EVC2: variants seen among roughly 807,000 people sequenced by gnomAD.
EVC2 encodes limbin.
In EVC2, 148 loss-of-function variants were observed where a neutral mutation model predicts 149.3. The observed-to-expected ratio is 0.99, with a 90% CI of 0.87 to 1.14. The LOEUF is 1.14. Among genes scored for constraint, EVC2 ranks in the 50% most tolerant of loss-of-function variants. The probability of loss-of-function intolerance (pLI) is 0.00; values close to 1 mark genes in which losing one functional copy is unlikely to be tolerated. For synonymous variants in EVC2, 776 were observed against 649.9 expected, an observed-to-expected ratio of 1.19 and a Z score of -2.95; for missense variants, 1,854 against 1,627.3, an observed-to-expected ratio of 1.14 and a Z score of -2.40.
downstream of EVC2, among the ~76,000 whole-genome samples, chr4:5,558,113 G>A (rs1237942717): frequency 1.3e-5 from 2 of 152,084 alleles, no homozygotes; most frequent in African/African-American, 4.8e-5. Flanking sequence ...AGTCAACACA[G>A]TACTAAAGAA....
intron 14 of EVC2, among the ~76,000 whole-genome samples, chr4:5,619,880 G>C (rs1715554405): frequency 6.6e-6 from 1 of 152,202 alleles, no homozygotes; most frequent in Non-Finnish European, 1.5e-5. Flanking sequence ...AGATGTGTTT[G>C]AATGTTCTGG....
intron 1 of EVC2, among the ~76,000 whole-genome samples, chr4:5,700,677 G>A (rs1721767831): frequency 6.6e-6 from 1 of 152,124 alleles, no homozygotes; most frequent in Admixed American, 6.5e-5. Context: ...CCCCAGCCTG[G>A]GGAGGTACCT....
At chr4:5,651,065 T>C (rs1461640585) in intron 9 of EVC2, among the ~76,000 whole-genome samples, 1 of 151,900 alleles carries the variant, frequency 6.6e-6, no homozygotes, top group Non-Finnish European at 1.5e-5. Flanking sequence ...AATGGACAGA[T>C]GGACAGATGG....
intron 9 of EVC2, among the ~76,000 whole-genome samples, chr4:5,648,439 G>A (rs528026134): frequency 6.6e-6 from 1 of 152,284 alleles, no homozygotes; most frequent in South Asian, 2.1e-4. Context: ...TTGGGAAAAT[G>A]GCAGGTGCTG....
At chr4:5,535,264 G>C in the EVC2 span, among the ~76,000 whole-genome samples, 4 of 152,106 alleles carry the variant, frequency 2.6e-5, no homozygotes, top group African/African-American at 9.7e-5. This position sits in a 1 kb window ranked among gnomAD's most constrained non-coding sequence, Gnocchi z 4.7. Flanking sequence ...TGCCCTCTCT[G>C]AAAGTAACCT....
intron 13 of EVC2, among the ~76,000 whole-genome samples, chr4:5,623,754 C>A (rs549908991): frequency 2.9e-4 from 44 of 152,286 alleles, no homozygotes; most frequent in African/African-American, 1.1e-3. Context: ...GGTTCCAGTC[C>A]TGGCTCCTCT....
Position 5,640,339 on chromosome 4 carries a change from G to A in EVC2, c.1470+175C>T, listed in dbSNP as rs1298221748. Among the ~76,000 whole-genome samples the A allele has an allele frequency of 3.9e-5, 6 of 152,030 alleles. No homozygotes were observed. The highest frequency in any genetic ancestry group is 1.9e-4 in the East Asian group (1 of 5,152). ...GATGGACAGATGATGATGGATGGACGGTGGGAATGGTTGGATGAATGAATG... is the reference window on the plus strand; with the variant it reads ...GATGGACAGATGATGATGGATGGACAGTGGGAATGGTTGGATGAATGAATG... On this transcript the variant is annotated intron_variant, in intron 10 of 21. Coordinates refer to ENST00000344408, the MANE Select transcript of EVC2 (RefSeq NM_147127.5). The surrounding 1 kb of genome is among the most constrained non-coding windows in gnomAD (Gnocchi z 4.6).
intron 5 of EVC2, 116 bp from the exon 6 acceptor site, chr4:5,685,595 C>A: frequency 3.8e-6 from 3 of 796,474 alleles, no homozygotes; most frequent in Admixed American, 4.2e-5. Context: ...AGGGAGGCCA[C>A]CATGGCAGTG....
At chr4:5,545,291 T>C (rs1303134972) in intron 21 of EVC2, among the ~76,000 whole-genome samples, 1 of 152,186 alleles carries the variant, frequency 6.6e-6, no homozygotes, top group Admixed American at 6.5e-5. Flanking sequence ...AAATAGATAA[T>C]GATTCCACTT....
At chr4:5,570,078 C>T (rs1245790338) in intron 19 of EVC2, among the ~76,000 whole-genome samples, 1 of 152,140 alleles carries the variant, frequency 6.6e-6, no homozygotes, top group Non-Finnish European at 1.5e-5. Context: ...TCAGGTGTCC[C>T]TCCTCTGATC....
At position 5,563,017 on chromosome 4, in the gene EVC2, G is replaced by A. The variant is rs1220482473; in HGVS notation, c.3758C>T (p.Ala1253Val). 6.2e-7 allele frequency: 1 copy of A among 1,614,074 alleles called. No homozygotes were observed. Among genetic ancestry groups the A allele is most frequent in the Non-Finnish European group, 8.5e-7 (1 of 1,180,058 alleles). ...TTCTGCCCCTACAATGGGTACAGGGGCCAGTTCGCCAATGGGCTCCAGTGA... is the reference window on the plus strand; with the variant it reads ...TTCTGCCCCTACAATGGGTACAGGGACCAGTTCGCCAATGGGCTCCAGTGA... Reference protein sequence around the residue: ...HLSLEPIGELAPVPIVGAETI... With the variant: ...HLSLEPIGELVPVPIVGAETI... The change falls in exon 22 of 22, where the codon GCC (alanine) becomes GTC (valine). Residue 1253 changes from alanine (A) to valine (V), a missense_variant. Transcript: ENST00000344408.
intron 9 of EVC2, among the ~76,000 whole-genome samples, chr4:5,646,060 T>C (rs1427253330): frequency 6.6e-6 from 1 of 152,120 alleles, no homozygotes. Flanking sequence ...GCCTCCTGAG[T>C]ACCTGGGATT....
Position 5,708,341 on chromosome 4 carries a change from G to T in EVC2, c.173C>A (p.Pro58His). The change falls in exon 1 of 22, where the codon CCC becomes CAC. Residue 58 changes from proline (P) to histidine (H), a missense_variant. Transcript: ENST00000344408. ...CCGCCCCGGAGGGATCCTCAGGCCG[G>T]GCCCAGACCTAGGAGCCACCTGGGG... ...RDPQVAPRSG[P>H]GLRIPPGRSG... 1 of 1,483,212 alleles carries T rather than the reference G, an allele frequency of 6.7e-7. No homozygotes were observed. Among genetic ancestry groups the T allele is most frequent in the Non-Finnish European group, 8.9e-7 (1 of 1,122,734 alleles). 91.9% of individuals were successfully genotyped at this position (1,483,212 alleles called of 1,614,324 possible).
Position 5,568,645 on chromosome 4 carries a change from A to G in EVC2, c.3361-5T>C, listed in dbSNP as rs374025466. 42 of 1,605,854 alleles carry G rather than the reference A, an allele frequency of 2.6e-5. No individual in the cohort carries two copies. The highest frequency in any genetic ancestry group is 3.5e-5 in the Non-Finnish European group (41 of 1,179,660). On this transcript the variant is annotated splice_region_variant and splice_polypyrimidine_tract_variant and intron_variant, in intron 19 of 21. Transcript: ENST00000344408. ...GTACGATGCCAGTCTCAGCTCCTAC[A>G]GGAAACAACAGAGGGAGTTCAGACC...
rs1157679039 is a variant in EVC2 at position 5,689,145 on chromosome 4, C to T, written c.706+12G>A. On this transcript the variant is annotated intron_variant, in intron 5 of 21. Coordinates refer to ENST00000344408, the MANE Select transcript of EVC2 (RefSeq NM_147127.5). The stretch of plus-strand genomic sequence containing the variant: ...ATTTGTCATCCCTGACTTCAGAACG[C>T]TTTGCTGTTACCTTGCAGAAACTTC... The T allele has an allele frequency of 4.3e-6, 7 of 1,613,870 alleles. No individual in the cohort carries two copies. The African/African-American group carries it at 9.3e-5, about 22-fold the overall frequency.
chr4:5,577,052 C>T (rs967715173), intron 17 of EVC2, among the ~76,000 whole-genome samples: 2 of 152,214 alleles, frequency 1.3e-5, no homozygotes, highest in African/African-American at 4.8e-5. Context: ...ATCAGGGTGC[C>T]GAGCACTGCT....
chr4:5,663,928 T>C (rs1225500714), intron 8 of EVC2, among the ~76,000 whole-genome samples: 2 of 151,706 alleles, frequency 1.3e-5, no homozygotes, highest in African/African-American at 4.8e-5. Context: ...CTCAAAAAAA[T>C]AAAGAAAGAA....
chr4:5,701,903 C>A (rs11725145), intron 1 of EVC2, among the ~76,000 whole-genome samples: 12,871 of 152,138 alleles, frequency 0.085, 606 homozygotes, highest in Non-Finnish European at 0.11. Context: ...AAAACATCCA[C>A]AATCCAGCAA....
chr4:5,594,942 G>A (rs936533530), intron 16 of EVC2, among the ~76,000 whole-genome samples: 22 of 152,192 alleles, frequency 1.4e-4, no homozygotes, highest in African/African-American at 4.8e-4. Flanking sequence ...CGGAGCCGAT[G>A]CGATCAACTG....
Sources: allele counts gnomAD v4.1 joint callset (sites outside exome capture counted in the v4.1 genomes callset), GRCh38; gene constraint gnomAD v4.1.1; non-coding constraint Gnocchi (gnomAD v3.1); transcripts MANE v1.5; gene names NCBI Gene and HGNC (gene_info 2026-07-23, HGNC 2026-07-21).